Variants in GALNT13 observed in about 807,000 individuals in gnomAD.
GALNT13 encodes UDP-GalNAc:polypeptide N-acetylgalactosaminyltransferase 13.
GALNT13 carries 28 observed loss-of-function variants against 64.2 expected under a neutral mutation model. The observed-to-expected ratio is 0.44, with a 90% confidence interval of 0.32 to 0.60. The LOEUF (loss-of-function observed/expected upper bound fraction) is 0.60. Among genes scored for constraint, GALNT13 ranks in the 20% least tolerant of loss-of-function variants. The pLI, the probability that GALNT13 is intolerant of heterozygous loss-of-function variation, is 0.05. For synonymous variants in GALNT13, 214 were observed against 224.6 expected, an observed-to-expected ratio of 0.95 and a Z score of 0.42; for missense variants, 577 against 669.8, an observed-to-expected ratio of 0.86 and a Z score of 1.53.
At chr2:153,866,170 G>T in the GALNT13 span, among the ~76,000 whole-genome samples, 8 of 115,924 alleles carry the variant, frequency 6.9e-5, no homozygotes, top group East Asian at 5.7e-4. Flanking sequence ...GTGGGGTGGG[G>T]GGAGGGGGGA....
the GALNT13 span, among the ~76,000 whole-genome samples, chr2:153,117,008 C>T: frequency 6.6e-6 from 1 of 151,730 alleles, no homozygotes; most frequent in Admixed American, 6.6e-5. Flanking sequence ...ACCATGTTAG[C>T]CAGGATGGTC....
chr2:153,949,582 T>C (rs1430629880), intron 3 of GALNT13, among the ~76,000 whole-genome samples: 2 of 148,516 alleles, frequency 1.3e-5, no homozygotes, highest in Non-Finnish European at 3.0e-5. Context: ...GAGTAGGAAA[T>C]AACTAGTAAA....
At chr2:153,292,805 A>G in the GALNT13 span, among the ~76,000 whole-genome samples, 1 of 152,202 alleles carries the variant, frequency 6.6e-6, no homozygotes, top group Non-Finnish European at 1.5e-5. Context: ...AAGGTTACCC[A>G]TAACCCCACC....
rs768333190 is a variant in GALNT13 at position 154,301,467 on chromosome 2, T to C, written c.1034T>C (p.Phe345Ser). The C allele has an allele frequency of 6.2e-7, 1 of 1,613,874 alleles. No homozygotes were observed. The stretch of plus-strand genomic sequence containing the variant: ...ACTTGCTCCCATGTTGGTCATGTTT[T>C]TCGGAAGGCAACTCCATACACTTTT... ...IVTCSHVGHV[F>S]RKATPYTFPG... The change falls in exon 9 of 13, where the codon TTT becomes TCT. Residue 345 changes from phenylalanine to serine, a missense_variant. Transcript: ENST00000392825.
chr2:154,101,270 C>T (rs1370798929), intron 3 of GALNT13, among the ~76,000 whole-genome samples: 4 of 151,884 alleles, frequency 2.6e-5, no homozygotes, highest in Non-Finnish European at 5.9e-5. Context: ...GGAATAGTTT[C>T]AGTAAGATTG....
chr2:153,824,516 G>A, the GALNT13 span, among the ~76,000 whole-genome samples: 1 of 152,026 alleles, frequency 6.6e-6, no homozygotes, highest in Non-Finnish European at 1.5e-5. Flanking sequence ...TATGACCCTG[G>A]GATCCACCAC....
the GALNT13 span, among the ~76,000 whole-genome samples, chr2:153,248,904 C>A: frequency 6.7e-6 from 1 of 148,500 alleles, no homozygotes. Flanking sequence ...CCATTTATTA[C>A]AAACCCAGAA....
the GALNT13 span, among the ~76,000 whole-genome samples, chr2:153,834,974 G>A: frequency 1.3e-5 from 2 of 152,034 alleles, no homozygotes; most frequent in Admixed American, 1.3e-4. Flanking sequence ...TCAATTGGTA[G>A]AAACTCAATT....
chr2:154,040,411 G>A (rs777136625), intron 3 of GALNT13, among the ~76,000 whole-genome samples: 2 of 140,806 alleles, frequency 1.4e-5, no homozygotes, highest in African/African-American at 2.4e-5. Context: ...TCATTGGGAC[G>A]TAGTATAAAT....
At position 154,046,227 on chromosome 2, in the gene GALNT13, A is replaced by G. The variant is rs116544639; in HGVS notation, c.143-94110A>G. Reference sequence around the variant, plus strand: ...GTAGTCCTAGCTACTTGGGAGGCTGAAGCAGGAGGATTGCTGTAGCCAAAG... The same window carrying G: ...GTAGTCCTAGCTACTTGGGAGGCTGGAGCAGGAGGATTGCTGTAGCCAAAG... On this transcript the variant is annotated intron_variant, in intron 3 of 12. Transcript: ENST00000392825. Among the ~76,000 whole-genome samples the G allele has an allele frequency of 6.1e-3, 922 of 152,316 alleles. 10 individuals carry two copies. The highest frequency in any genetic ancestry group is 0.021 in the African/African-American group (887 of 41,568).
At chr2:153,910,198 T>G (rs1467866778) in intron 2 of GALNT13, among the ~76,000 whole-genome samples, 1 of 152,098 alleles carries the variant, frequency 6.6e-6, no homozygotes, top group Non-Finnish European at 1.5e-5. Context: ...TCTATCCATT[T>G]CATGTTGATT....
At chr2:154,454,131 A>G (rs1701975712), downstream of GALNT13, among the ~76,000 whole-genome samples, 1 of 152,184 alleles carries the variant, frequency 6.6e-6, no homozygotes, top group Non-Finnish European at 1.5e-5. Flanking sequence ...TACTAAATTT[A>G]TCTTCTAAGT....
At chr2:154,215,701 A>G (rs951382960) in intron 4 of GALNT13, among the ~76,000 whole-genome samples, 1 of 152,126 alleles carries the variant, frequency 6.6e-6, no homozygotes, top group Non-Finnish European at 1.5e-5. Context: ...AAACTTCCAT[A>G]AAGAGAAGAA....
chr2:153,758,958 G>A, the GALNT13 span, among the ~76,000 whole-genome samples: 1 of 152,122 alleles, frequency 6.6e-6, no homozygotes, highest in Non-Finnish European at 1.5e-5. Flanking sequence ...ACATTTACTT[G>A]TGTCATCAAT....
At chr2:153,092,061 G>A in the GALNT13 span, among the ~76,000 whole-genome samples, 6 of 152,092 alleles carry the variant, frequency 3.9e-5, no homozygotes, top group African/African-American at 1.4e-4. Flanking sequence ...TTCTGCATAT[G>A]GGTATCTAGT....
chr2:154,128,343 A>G (rs1682413001), intron 3 of GALNT13, among the ~76,000 whole-genome samples: 1 of 152,080 alleles, frequency 6.6e-6, no homozygotes, highest in African/African-American at 2.4e-5. Context: ...TATATGACCA[A>G]TTTCTTAATT....
the GALNT13 span, among the ~76,000 whole-genome samples, chr2:153,309,348 T>A: frequency 2.0e-5 from 3 of 152,146 alleles, no homozygotes; most frequent in Non-Finnish European, 4.4e-5. Flanking sequence ...AGAATTACCT[T>A]TCTATAACAT....
At chr2:153,828,680 A>C in the GALNT13 span, among the ~76,000 whole-genome samples, 1 of 152,052 alleles carries the variant, frequency 6.6e-6, no homozygotes, top group East Asian at 1.9e-4. Flanking sequence ...AGATATTTTC[A>C]CCATTGTTTG....
chr2:153,473,284 C>A, the GALNT13 span, among the ~76,000 whole-genome samples: 1 of 151,916 alleles, frequency 6.6e-6, no homozygotes, highest in Non-Finnish European at 1.5e-5. Flanking sequence ...TAATAATAAT[C>A]AAAAAATAAG....
Sources: allele counts gnomAD v4.1 joint callset (sites outside exome capture counted in the v4.1 genomes callset), GRCh38; gene constraint gnomAD v4.1.1; transcripts MANE v1.5; gene names NCBI Gene and HGNC (gene_info 2026-07-23, HGNC 2026-07-21).